The following OTUD6B variants were observed in gnomAD, a reference collection of about 807,000 sequenced individuals.
OTUD6B encodes the protein OTU deubiquitinase 6B, also known as deubiquitinase OTUD6B.
A neutral mutation model predicts 36.9 loss-of-function variants in OTUD6B; 41 were observed. The observed-to-expected ratio is 1.11, with a 90% confidence interval of 0.87 to 1.44. The LOEUF (loss-of-function observed/expected upper bound fraction) is 1.44, where lower values mean the gene tolerates loss of function less well. Ranked by LOEUF, OTUD6B falls within the 40% of genes most tolerant of loss-of-function variation. The pLI, the probability that OTUD6B is intolerant of heterozygous loss-of-function variation, is 0.00. For missense variants in OTUD6B, 356 were observed against 344.8 expected (o/e 1.03, Z -0.26); for synonymous variants, 114 against 114.2 (o/e 1.00, Z 0.01).
At chr8:91,076,464 T>C in intron 3 of OTUD6B, 1 of 1,452,050 alleles carries the variant, frequency 6.9e-7, no homozygotes, top group South Asian at 1.2e-5. Flanking sequence ...AAAAATGAAA[T>C]GATTAGAATT....
chr8:91,081,813 TTTCC>T, intron 5 of OTUD6B, among the ~76,000 whole-genome samples: 1 of 152,174 alleles, frequency 6.6e-6, no homozygotes, highest in Non-Finnish European at 1.5e-5. Context: ...TGTATGTGCA[TTTCC>T]ACCAGAGGGA....
In OTUD6B at chr8:91,071,393, C is replaced by G. The variant is rs900442662; in HGVS notation, c.234+104C>G. 5 of 953,446 alleles carry G rather than the reference C, an allele frequency of 5.2e-6. No individual in the cohort carries two copies. In the African/African-American group the frequency reaches 8.6e-5, roughly 16 times the overall value. 59.1% of individuals were successfully genotyped at this position (953,446 alleles called of 1,614,324 possible). A position where few individuals can be genotyped will look rare whatever the true frequency, so the allele number is the denominator to read the frequency against. ...TTTTTTTTTTTTTGAGACGGTGTCTCGCTTTGCAAAACACGCTCAATCTTG... is the reference window on the plus strand; with the variant it reads ...TTTTTTTTTTTTTGAGACGGTGTCTGGCTTTGCAAAACACGCTCAATCTTG... On this transcript the variant is annotated intron_variant, in intron 2 of 6. Coordinates refer to ENST00000404789, the MANE Select transcript of OTUD6B (RefSeq NM_016023.5).
intron 3 of OTUD6B, among the ~76,000 whole-genome samples, chr8:91,074,327 C>A (rs1026537037): frequency 6.6e-6 from 1 of 151,910 alleles, no homozygotes; most frequent in African/African-American, 2.4e-5. Context: ...ACAACCCTAG[C>A]CAAGAACTAT....
intron 5 of OTUD6B, among the ~76,000 whole-genome samples, chr8:91,083,608 G>T (rs1348883697): frequency 6.6e-6 from 1 of 152,078 alleles, no homozygotes; most frequent in East Asian, 1.9e-4. Flanking sequence ...TATGTGACAG[G>T]TCACAGTTCA....
Position 91,084,769 on chromosome 8 carries a change from T to A in OTUD6B, c.798-15T>A. 1 of 1,504,426 alleles carries A rather than the reference T, an allele frequency of 6.6e-7. No homozygotes were observed. The highest frequency in any genetic ancestry group is 2.2e-5 in the Admixed American group (1 of 45,000). The allele number at this position is 1,504,426 out of a possible 1,614,324, so 93.2% of individuals were successfully genotyped here. ...TTCATCAAAACTACTCATTTCTTTT[T>A]TTTTTTAATTTCAGATATATGAGAC... On this transcript the variant is annotated splice_polypyrimidine_tract_variant and intron_variant, in intron 6 of 6. Transcript: ENST00000404789.
chr8:91,073,971 G>A (rs1812754610), intron 3 of OTUD6B, 60 bp downstream of exon 3: 2 of 1,132,782 alleles, frequency 1.8e-6, no homozygotes, highest in East Asian at 2.6e-5. Context: ...ACTATCTTAG[G>A]TACTATCTTA....
At chr8:91,081,767 G>T (rs1040393567) in intron 5 of OTUD6B, among the ~76,000 whole-genome samples, 2 of 152,132 alleles carry the variant, frequency 1.3e-5, no homozygotes, top group African/African-American at 2.4e-5. Context: ...GATGCAACAT[G>T]AATGTTGCCC....
intron 3 of OTUD6B, among the ~76,000 whole-genome samples, chr8:91,075,568 C>A (rs996683865): frequency 1.3e-5 from 2 of 152,048 alleles, no homozygotes; most frequent in Non-Finnish European, 2.9e-5. Flanking sequence ...CCCTAAGATA[C>A]TGCACAACTG....
At chr8:91,080,789 T>G in intron 5 of OTUD6B, 59 bp downstream of exon 5, 2 of 1,294,480 alleles carry the variant, frequency 1.5e-6, no homozygotes, top group Non-Finnish European at 2.2e-6. Context: ...AAATCCCTTC[T>G]GTAGTTTTTA....
At chr8:91,073,225 A>T (rs1055785140) in intron 2 of OTUD6B, among the ~76,000 whole-genome samples, 4 of 152,212 alleles carry the variant, frequency 2.6e-5, no homozygotes, top group African/African-American at 7.2e-5. Flanking sequence ...ACTCATCCTT[A>T]TAGTTAAAAG....
At chr8:91,083,419 A>T (rs1235789402) in intron 5 of OTUD6B, among the ~76,000 whole-genome samples, 3 of 152,160 alleles carry the variant, frequency 2.0e-5, no homozygotes, top group Non-Finnish European at 4.4e-5. Flanking sequence ...CCTCTTCATT[A>T]ACTGTGGCAT....
In OTUD6B at chr8:91,087,029, AT is replaced by A. The variant is rs539094360; in HGVS notation, c.*2162del. 37 of 151,746 alleles carry A rather than the reference AT, an allele frequency of 2.4e-4. No individual in the cohort carries two copies. The highest frequency in any genetic ancestry group is 8.2e-4 in the African/African-American group (34 of 41,258). The allele number at this position is 151,746 out of a possible 1,614,324, so 9.4% of individuals were successfully genotyped here. ...GAATGTGTGTAACTATAGTGAACGC[AT>A]AGTTTTGCTTATATTATGTGATGTT... is the stretch of plus-strand genomic sequence containing the variant. On this transcript the variant is annotated 3_prime_UTR_variant, in exon 7 of 7. Coordinates refer to ENST00000404789, the MANE Select transcript of OTUD6B (RefSeq NM_016023.5).
chr8:91,077,491 T>A (rs1036672158), intron 3 of OTUD6B, among the ~76,000 whole-genome samples: 3 of 151,976 alleles, frequency 2.0e-5, no homozygotes, highest in Non-Finnish European at 4.4e-5. Context: ...CTTTTGATCA[T>A]TACTAGTCCA....
intron 2 of OTUD6B, 31 bp downstream of exon 2, chr8:91,071,320 C>T: frequency 5.2e-6 from 8 of 1,539,940 alleles, no homozygotes; most frequent in Non-Finnish European, 7.1e-6. Context: ...TCGTTGCCTA[C>T]ACCATTTGAA....
intron 2 of OTUD6B, among the ~76,000 whole-genome samples, chr8:91,072,184 C>G (rs1329788837): frequency 6.6e-6 from 1 of 152,104 alleles, no homozygotes; most frequent in Non-Finnish European, 1.5e-5. Flanking sequence ...TATGTATTAT[C>G]TCATTTAACC....
At chr8:91,077,850 T>C (rs1012019085) in intron 3 of OTUD6B, among the ~76,000 whole-genome samples, 1 of 152,012 alleles carries the variant, frequency 6.6e-6, no homozygotes, top group African/African-American at 2.4e-5. Flanking sequence ...ATTTTTTTTT[T>C]ACAAAATATT....
intron 4 of OTUD6B, among the ~76,000 whole-genome samples, chr8:91,080,258 G>A (rs1289266915): frequency 2.0e-5 from 3 of 152,080 alleles, no homozygotes; most frequent in African/African-American, 7.2e-5. Flanking sequence ...GAGTCTTACA[G>A]TAAACCTGAT....
chr8:91,077,806 T>G (rs932753916), intron 3 of OTUD6B, among the ~76,000 whole-genome samples: 2 of 152,028 alleles, frequency 1.3e-5, no homozygotes, highest in African/African-American at 4.8e-5. Flanking sequence ...GGCAGTGGTG[T>G]TATGGGGAGC....
At chr8:91,075,759 T>C (rs1428637367) in intron 3 of OTUD6B, among the ~76,000 whole-genome samples, 1 of 152,112 alleles carries the variant, frequency 6.6e-6, no homozygotes, top group African/African-American at 2.4e-5. Flanking sequence ...GAAGTCAGGA[T>C]GCACAATCGG....
Sources: gnomAD v4.1 joint callset for allele counts (sites outside exome capture counted in the v4.1 genomes callset) on GRCh38, gnomAD v4.1.1 for gene constraint, MANE v1.5 for transcripts, NCBI Gene and HGNC (gene_info 2026-07-23, HGNC 2026-07-21) for gene names.